The following RYR3 variants were observed in gnomAD, a reference collection of about 807,000 sequenced individuals.
RYR3 encodes the protein ryanodine receptor 3.
A neutral mutation model predicts 584.3 loss-of-function variants in RYR3; 207 were observed. The observed-to-expected ratio is 0.35, with a 90% confidence interval of 0.32 to 0.40. The LOEUF is 0.40. Among genes scored for constraint, RYR3 ranks in the 10% least tolerant of loss-of-function variants. The pLI is 1.00. For missense variants in RYR3, 5,616 were observed against 6,089.2 expected (o/e 0.92, Z 2.59); for synonymous variants, 2,416 against 2,248.5 (o/e 1.07, Z -2.11).
chr15:33,453,472 CTT>C, intron 1 of RYR3, among the ~76,000 whole-genome samples: 1 of 152,236 alleles, frequency 6.6e-6, no homozygotes, highest in Non-Finnish European at 1.5e-5. Flanking sequence ...GTGAGAAAGT[CTT>C]ATATATTGAT....
chr15:33,758,560 AC>A (rs1038395160), intron 60 of RYR3, among the ~76,000 whole-genome samples: 2 of 152,192 alleles, frequency 1.3e-5, no homozygotes, highest in Non-Finnish European at 2.9e-5. Context: ...GCACCACAGC[AC>A]GGCAAAGCTG....
At chr15:33,674,929 G>T (rs2064074984) in intron 38 of RYR3, among the ~76,000 whole-genome samples, 1 of 144,904 alleles carries the variant, frequency 6.9e-6, no homozygotes, top group South Asian at 2.2e-4. Flanking sequence ...AAAAAAAAAA[G>T]AGTGGTGTTA....
intron 1 of RYR3, among the ~76,000 whole-genome samples, chr15:33,416,911 TAGAC>T (rs1157670222): frequency 6.6e-6 from 1 of 152,218 alleles, no homozygotes; most frequent in Non-Finnish European, 1.5e-5. Flanking sequence ...TGCATATGGT[TAGAC>T]AGTTTTCCCA....
intron 1 of RYR3, among the ~76,000 whole-genome samples, chr15:33,430,904 T>G (rs1237876625): frequency 6.6e-6 from 1 of 152,148 alleles, no homozygotes; most frequent in Non-Finnish European, 1.5e-5. Flanking sequence ...TCACTAACTC[T>G]CCAACTGCCG....
chr15:33,636,249 C>A (rs532088902), intron 26 of RYR3, 127 bp from the exon 27 acceptor site: 1 of 823,186 alleles, frequency 1.2e-6, no homozygotes, highest in South Asian at 1.7e-5. Context: ...TGTTGGTTAT[C>A]CTTGAGTGTC....
At chr15:33,789,350 G>A (rs1203104515) in intron 67 of RYR3, among the ~76,000 whole-genome samples, 1 of 151,832 alleles carries the variant, frequency 6.6e-6, no homozygotes, top group Non-Finnish European at 1.5e-5. Context: ...AGAGGTGGAG[G>A]CAGCAGGGAA....
At chr15:33,456,655 G>T (rs2142026046) in intron 1 of RYR3, among the ~76,000 whole-genome samples, 1 of 152,240 alleles carries the variant, frequency 6.6e-6, no homozygotes, top group South Asian at 2.1e-4. Flanking sequence ...TTGCACAAAA[G>T]AACTTGATAA....
chr15:33,511,538 T>C (rs2053003324), intron 3 of RYR3, among the ~76,000 whole-genome samples: 2 of 152,054 alleles, frequency 1.3e-5, no homozygotes. Flanking sequence ...TCAAGCTGTA[T>C]TTGTCATGAA....
intron 2 of RYR3, among the ~76,000 whole-genome samples, chr15:33,480,859 C>G (rs886332723): frequency 5.9e-5 from 9 of 152,256 alleles, no homozygotes; most frequent in Middle Eastern, 6.8e-3. Flanking sequence ...TCAAGATGGT[C>G]AAAAGGGGTG....
intron 1 of RYR3, among the ~76,000 whole-genome samples, chr15:33,323,389 T>C (rs571985380): frequency 1.3e-5 from 2 of 152,196 alleles, no homozygotes; most frequent in Admixed American, 6.5e-5. Context: ...ATTACAGGCG[T>C]GAGCCACCGC....
At chr15:33,585,463 G>C (rs1392104555) in intron 15 of RYR3, among the ~76,000 whole-genome samples, 4 of 152,056 alleles carry the variant, frequency 2.6e-5, no homozygotes, top group Admixed American at 2.0e-4. Flanking sequence ...CAAAAAAAAG[G>C]GGGAAAAGCC....
At chr15:33,614,282 C>T (rs954997778) in intron 19 of RYR3, among the ~76,000 whole-genome samples, 1 of 152,074 alleles carries the variant, frequency 6.6e-6, no homozygotes, top group Non-Finnish European at 1.5e-5. Flanking sequence ...TGCCCCTCAC[C>T]TGGCTGCAGT....
In RYR3 at chr15:33,487,831, A is replaced by G. The variant is rs143151525; in HGVS notation, c.171+14293A>G. On this transcript the variant is annotated intron_variant, in intron 2 of 103. Transcript: ENST00000634891. ...TTCAGATTCTGAAAAACATGGCTCC[A>G]CATTCCAGTTCTTCGTGATTGGCAG... is the stretch of plus-strand genomic sequence containing the variant. 2.2e-3 allele frequency among the ~76,000 whole-genome samples: 341 copies of G among 152,330 alleles called. 1 individual carries two copies. Among genetic ancestry groups the G allele is most frequent in the African/African-American group, 8.0e-3 (332 of 41,582 alleles).
rs2059404450 is a variant in RYR3 at position 33,596,895 on chromosome 15, C to T, written c.1789-4524C>T. 2.6e-5 allele frequency among the ~76,000 whole-genome samples: 4 copies of T among 152,224 alleles called. No homozygotes were observed. The South Asian group carries it at 8.3e-4, about 32-fold the overall frequency. On this transcript the variant is annotated intron_variant, in intron 16 of 103. Coordinates refer to ENST00000634891, the MANE Select transcript of RYR3 (RefSeq NM_001036.6). Reference sequence around the variant, plus strand: ...CCACCCCTCCCTCTTAACCTGCAAGCTGTCCTTGTTCATTCCTGGGCATAG... The same window carrying T: ...CCACCCCTCCCTCTTAACCTGCAAGTTGTCCTTGTTCATTCCTGGGCATAG...
chr15:33,448,947 G>C (rs962038996), intron 1 of RYR3, among the ~76,000 whole-genome samples: 1 of 152,200 alleles, frequency 6.6e-6, no homozygotes, highest in Non-Finnish European at 1.5e-5. Flanking sequence ...AGAAAGGGAA[G>C]TGGTGCCACA....
intron 94 of RYR3, 62 bp from the exon 95 acceptor site, chr15:33,852,983 T>TCTTGATGTGTTTTC: frequency 7.0e-7 from 1 of 1,426,158 alleles, no homozygotes; most frequent in African/African-American, 1.4e-5. Context: ...CTGAAACGTT[T>TCTTGATGTGTTTTC]CTTGATGTGT....
chr15:33,766,288 G>GA (rs66478931), intron 60 of RYR3, among the ~76,000 whole-genome samples: 11,382 of 133,986 alleles, frequency 0.085, 1,093 homozygotes, highest in African/African-American at 0.24. Context: ...ACCTCAAAAA[G>GA]AAAAAAAAAA....
At chr15:33,664,589 G>GTGTGTGTGTGTATA (rs577496539) in intron 36 of RYR3, among the ~76,000 whole-genome samples, 2 of 91,354 alleles carry the variant, frequency 2.2e-5, no homozygotes, top group South Asian at 1.0e-3. Flanking sequence ...GTGTGTGTGT[G>GTGTGTGTGTGTATA]TATATATATA....
Position 33,865,380 on chromosome 15 carries a change from G to C in RYR3, c.*154G>C. 1 of 623,258 alleles carries C rather than the reference G, an allele frequency of 1.6e-6. No homozygotes were observed. The highest frequency in any genetic ancestry group is 2.8e-5 in the East Asian group (1 of 36,104). 38.6% of individuals were successfully genotyped at this position (623,258 alleles called of 1,614,324 possible). ...TGAAAATCTGTGCTATTTTGAAATTGATTTGGCTTTTTGTGCCTAATGGAC... is the reference window on the plus strand; with the variant it reads ...TGAAAATCTGTGCTATTTTGAAATTCATTTGGCTTTTTGTGCCTAATGGAC... On this transcript the variant is annotated 3_prime_UTR_variant, in exon 104 of 104. Coordinates refer to ENST00000634891, the MANE Select transcript of RYR3 (RefSeq NM_001036.6).
Sources: allele counts gnomAD v4.1 joint callset (sites outside exome capture counted in the v4.1 genomes callset), GRCh38; gene constraint gnomAD v4.1.1; transcripts MANE v1.5; gene names NCBI Gene and HGNC (gene_info 2026-07-23, HGNC 2026-07-21).